DGKI: variants seen among roughly 807,000 people sequenced by gnomAD.
DGKI encodes diacylglycerol kinase iota, also known as DAG kinase iota.
A neutral mutation model predicts 147.5 loss-of-function variants in DGKI; 55 were observed. That is an observed-to-expected ratio of 0.37 (90% CI 0.30 to 0.47). The LOEUF (loss-of-function observed/expected upper bound fraction) is 0.47, where lower values mean the gene tolerates loss of function less well. Among genes scored for constraint, DGKI ranks in the 20% least tolerant of loss-of-function variants. The pLI is 1.00. For missense variants in DGKI, 1,007 were observed against 1,323.8 expected (o/e 0.76, Z 3.71); for synonymous variants, 469 against 477.1 (o/e 0.98, Z 0.22).
intron 19 of DGKI, among the ~76,000 whole-genome samples, chr7:137,561,735 TA>T (rs1403675747): frequency 7.0e-6 from 1 of 142,696 alleles, no homozygotes; most frequent in African/African-American, 2.7e-5. Flanking sequence ...AAACAACAAA[TA>T]AAGAGAAAAT....
chr7:137,718,405 T>C (rs1794447047), intron 1 of DGKI, among the ~76,000 whole-genome samples: 1 of 151,984 alleles, frequency 6.6e-6, no homozygotes, highest in South Asian at 2.1e-4. Flanking sequence ...AGGGGTGTAA[T>C]GGGCATGCCA....
chr7:137,430,356 AGAACACAT>A (rs1322824782), intron 28 of DGKI, among the ~76,000 whole-genome samples: 1 of 145,662 alleles, frequency 6.9e-6, no homozygotes, highest in Admixed American at 7.1e-5. Context: ...CTGAACAATG[AGAACACAT>A]GGACACAGGA....
chr7:137,557,554 C>T (rs1818267157), intron 19 of DGKI, among the ~76,000 whole-genome samples: 1 of 152,152 alleles, frequency 6.6e-6, no homozygotes, highest in Non-Finnish European at 1.5e-5. Flanking sequence ...ACGTCATACA[C>T]AAAGGAACAA....
At chr7:137,448,907 A>T (rs2128919688) in intron 27 of DGKI, among the ~76,000 whole-genome samples, 1 of 152,320 alleles carries the variant, frequency 6.6e-6, no homozygotes, top group Non-Finnish European at 1.5e-5. Context: ...CTGTGGTACC[A>T]CCGCACTAGG....
At chr7:137,725,184 A>G (rs1794684446) in intron 1 of DGKI, among the ~76,000 whole-genome samples, 1 of 152,132 alleles carries the variant, frequency 6.6e-6, no homozygotes, top group African/African-American at 2.4e-5. Flanking sequence ...TTTCTCTTTC[A>G]TACCTACTTC....
chr7:137,609,531 T>C lies in DGKI; in HGVS notation c.1068+4A>G, dbSNP rs776426235. ...TCCTCAGAATAAAACTCTGAAACAC[T>C]TACTTCCATCCCTCTTTTACTGGCT... On this transcript the variant is annotated splice_donor_region_variant and intron_variant, in intron 9 of 32. Coordinates refer to ENST00000614521, the MANE Select transcript of DGKI (RefSeq NM_001321708.2). 1 of 1,607,012 alleles carries C rather than the reference T, an allele frequency of 6.2e-7. No individual in the cohort carries two copies. The highest frequency in any genetic ancestry group is 8.5e-7 in the Non-Finnish European group (1 of 1,173,782).
chr7:137,552,601 G>C, intron 19 of DGKI, 33 bp from the exon 20 acceptor site: 1 of 1,607,832 alleles, frequency 6.2e-7, no homozygotes, highest in Non-Finnish European at 8.5e-7. Context: ...GGAGCAAGGA[G>C]TTAGTTATTA....
intron 1 of DGKI, among the ~76,000 whole-genome samples, chr7:137,701,117 T>G (rs1420575301): frequency 3.3e-5 from 5 of 151,766 alleles, no homozygotes; most frequent in Admixed American, 3.3e-4. Context: ...CATCATTAAC[T>G]AGACTCTAAT....
intron 25 of DGKI, 29 bp from the exon 26 acceptor site, chr7:137,466,064 G>A (rs1428247526): frequency 6.2e-7 from 1 of 1,610,278 alleles, no homozygotes; most frequent in Non-Finnish European, 8.5e-7. Flanking sequence ...TCTGTTGCAT[G>A]AAGAATAACA....
intron 6 of DGKI, among the ~76,000 whole-genome samples, chr7:137,638,488 A>G (rs1445249297): frequency 8.1e-6 from 1 of 123,788 alleles, no homozygotes; most frequent in Non-Finnish European, 1.6e-5. Context: ...GTATATATAT[A>G]CACACATATA....
At chr7:137,720,643 T>C (rs1235321392) in intron 1 of DGKI, among the ~76,000 whole-genome samples, 1 of 152,172 alleles carries the variant, frequency 6.6e-6, no homozygotes, top group Non-Finnish European at 1.5e-5. Context: ...CCCATATTTA[T>C]TACCTTCATA....
chr7:137,590,011 A>C (rs1819550407), intron 12 of DGKI, among the ~76,000 whole-genome samples: 1 of 152,048 alleles, frequency 6.6e-6, no homozygotes, highest in Non-Finnish European at 1.5e-5. Context: ...CAGACACAAC[A>C]ATGATAGAAA....
intron 1 of DGKI, among the ~76,000 whole-genome samples, chr7:137,804,938 G>A (rs1797320720): frequency 6.6e-6 from 1 of 152,124 alleles, no homozygotes; most frequent in Non-Finnish European, 1.5e-5. Flanking sequence ...CTGAGTCTGT[G>A]TTTTCAGCTG....
intron 20 of DGKI, among the ~76,000 whole-genome samples, chr7:137,529,185 C>T (rs1340783660): frequency 6.6e-6 from 1 of 151,914 alleles, no homozygotes; most frequent in Non-Finnish European, 1.5e-5. Context: ...AATTTCTGTG[C>T]TTAGGGGAGC....
At chr7:137,595,601 T>C (rs1423021988) in intron 12 of DGKI, among the ~76,000 whole-genome samples, 1 of 152,184 alleles carries the variant, frequency 6.6e-6, no homozygotes, top group Non-Finnish European at 1.5e-5. Flanking sequence ...CTTTCCTCTT[T>C]ATCTTTTATT....
intron 28 of DGKI, among the ~76,000 whole-genome samples, chr7:137,433,294 A>C (rs140402817): frequency 1.5e-3 from 227 of 152,322 alleles, no homozygotes; most frequent in Non-Finnish European, 2.6e-3. Context: ...TCTAGGAATC[A>C]AATGAAACAG....
intron 1 of DGKI, among the ~76,000 whole-genome samples, chr7:137,736,824 G>T (rs563611755): frequency 1.3e-5 from 2 of 152,152 alleles, no homozygotes; most frequent in African/African-American, 4.8e-5. Flanking sequence ...CTCAACATTA[G>T]ATACAGAACC....
intron 9 of DGKI, 97 bp from the exon 10 acceptor site, chr7:137,609,161 G>T: frequency 2.3e-6 from 2 of 882,278 alleles, no homozygotes; most frequent in South Asian, 1.5e-5. Context: ...AATACATTTT[G>T]TTTCCCAGGG....
intron 21 of DGKI, among the ~76,000 whole-genome samples, chr7:137,498,335 C>T (rs78004029): frequency 0.018 from 2,789 of 151,604 alleles, 142 homozygotes; most frequent in East Asian, 0.12. Context: ...CAAAAAACAT[C>T]CCCATAATAC....
Sources: gnomAD v4.1 joint callset for allele counts (sites outside exome capture counted in the v4.1 genomes callset) on GRCh38, gnomAD v4.1.1 for gene constraint, MANE v1.5 for transcripts, NCBI Gene and HGNC (gene_info 2026-07-23, HGNC 2026-07-21) for gene names.